SPATA16: variants seen among roughly 807,000 people sequenced by gnomAD.
The protein encoded by SPATA16 is spermatogenesis-associated protein 16.
A neutral mutation model predicts 63.3 loss-of-function variants in SPATA16; 36 were observed. That is an observed-to-expected ratio of 0.57 (90% confidence interval 0.44 to 0.75). The LOEUF is 0.75. Ranked by LOEUF, SPATA16 falls within the 30% of genes least tolerant of loss-of-function variation. The pLI, the probability that SPATA16 is intolerant of heterozygous loss-of-function variation, is 0.00. For missense variants in SPATA16, 646 were observed against 679.3 expected (o/e 0.95, Z 0.54); for synonymous variants, 203 against 216.7 (o/e 0.94, Z 0.56).
At chr3:173,042,877 G>T (rs913282230) in intron 3 of SPATA16, among the ~76,000 whole-genome samples, 1 of 152,114 alleles carries the variant, frequency 6.6e-6, no homozygotes, top group African/African-American at 2.4e-5. Flanking sequence ...TATGGTTAGA[G>T]AACAAGCTCT....
chr3:172,969,733 C>G (rs187182754), intron 5 of SPATA16, among the ~76,000 whole-genome samples: 42 of 152,240 alleles, frequency 2.8e-4, no homozygotes, highest in Non-Finnish European at 5.3e-4. Flanking sequence ...ACGTCATCTC[C>G]ACCCCTTTGT....
chr3:173,069,241 G>A (rs117883906), intron 2 of SPATA16, among the ~76,000 whole-genome samples: 39 of 151,686 alleles, frequency 2.6e-4, no homozygotes, highest in Non-Finnish European at 2.2e-4. Context: ...CAAACTTTTA[G>A]CAAGACTAAG....
intron 5 of SPATA16, among the ~76,000 whole-genome samples, chr3:172,959,574 A>G (rs954464844): frequency 1.3e-5 from 2 of 152,170 alleles, no homozygotes; most frequent in South Asian, 4.1e-4. Flanking sequence ...TGTATTCTCC[A>G]TGGAGATGCT....
intron 4 of SPATA16, among the ~76,000 whole-genome samples, chr3:172,987,017 T>A (rs1474888883): frequency 6.6e-6 from 1 of 152,196 alleles, no homozygotes; most frequent in African/African-American, 2.4e-5. Flanking sequence ...CCTGTGTGAT[T>A]TAGTCTCAGA....
chr3:173,032,050 T>C (rs1735618828), intron 3 of SPATA16, among the ~76,000 whole-genome samples: 1 of 152,090 alleles, frequency 6.6e-6, no homozygotes, highest in Non-Finnish European at 1.5e-5. Flanking sequence ...AAGTAGAACC[T>C]AACTTCAGGG....
chr3:173,004,792 T>C (rs1443482224), intron 4 of SPATA16, among the ~76,000 whole-genome samples: 1 of 152,206 alleles, frequency 6.6e-6, no homozygotes, highest in African/African-American at 2.4e-5. Flanking sequence ...ATAAATTGTC[T>C]CATTTAATCC....
chr3:173,008,800 A>AC (rs1302477959), intron 4 of SPATA16, among the ~76,000 whole-genome samples: 1 of 152,134 alleles, frequency 6.6e-6, no homozygotes, highest in African/African-American at 2.4e-5. Flanking sequence ...CAGAAGAAGA[A>AC]CATGTTAATG....
At chr3:173,002,194 A>T (rs1311198307) in intron 4 of SPATA16, among the ~76,000 whole-genome samples, 1 of 152,140 alleles carries the variant, frequency 6.6e-6, no homozygotes, top group Non-Finnish European at 1.5e-5. Context: ...CATCTAATAG[A>T]CATTTTTAAA....
intron 4 of SPATA16, among the ~76,000 whole-genome samples, chr3:173,000,832 C>T (rs547876640): frequency 1.1e-4 from 17 of 152,094 alleles, no homozygotes; most frequent in African/African-American, 4.1e-4. Flanking sequence ...TCATCAGAGA[C>T]ACTCTTCATT....
In SPATA16 at chr3:172,914,996, G is replaced by A. The variant is rs370489164; in HGVS notation, c.1504-1252C>T. On this transcript the variant is annotated intron_variant, in intron 9 of 10. Coordinates refer to ENST00000351008, the MANE Select transcript of SPATA16 (RefSeq NM_031955.6). The stretch of plus-strand genomic sequence containing the variant: ...AGGAAGACAGGATCAACATTTTGCC[G>A]GCTTCTTAAATTAACATTTTCTTTG... 9.2e-5 allele frequency among the ~76,000 whole-genome samples: 14 copies of A among 152,014 alleles called. 1 individual carries two copies. Among genetic ancestry groups the A allele is most frequent in the East Asian group, 7.7e-4 (4 of 5,184 alleles).
intron 2 of SPATA16, among the ~76,000 whole-genome samples, chr3:173,083,409 GATA>G (rs1368208824): frequency 6.6e-6 from 1 of 152,030 alleles, no homozygotes; most frequent in Admixed American, 6.6e-5. Flanking sequence ...AAAGATGAAT[GATA>G]ATATGAAAAT....
chr3:173,108,661 T>G (rs774301475), intron 2 of SPATA16, among the ~76,000 whole-genome samples: 2 of 152,220 alleles, frequency 1.3e-5, no homozygotes, highest in Non-Finnish European at 2.9e-5. Context: ...ATAACGATGT[T>G]TTGGTCAATG....
At chr3:173,107,759 G>T (rs1432596306) in intron 2 of SPATA16, among the ~76,000 whole-genome samples, 1 of 152,072 alleles carries the variant, frequency 6.6e-6, no homozygotes, top group Admixed American at 6.5e-5. Flanking sequence ...TAGGAAGGCT[G>T]GAATGGGGTC....
intron 2 of SPATA16, among the ~76,000 whole-genome samples, chr3:173,073,365 C>T (rs771445312): frequency 6.6e-6 from 1 of 152,244 alleles, no homozygotes; most frequent in Non-Finnish European, 1.5e-5. Flanking sequence ...CAGAGACCTT[C>T]ATGGCAGCCT....
intron 1 of SPATA16, among the ~76,000 whole-genome samples, chr3:173,130,116 A>T (rs1738332979): frequency 6.6e-6 from 1 of 152,110 alleles, no homozygotes. Flanking sequence ...TAATCCCAGC[A>T]CTTTGGGGGG....
chr3:173,129,799 A>G (rs1039263623), intron 1 of SPATA16, among the ~76,000 whole-genome samples: 1 of 152,116 alleles, frequency 6.6e-6, no homozygotes, highest in African/African-American at 2.4e-5. Flanking sequence ...ACAATTGGGG[A>G]ACACCTATCA....
chr3:173,027,323 T>C (rs1422201376), intron 3 of SPATA16, among the ~76,000 whole-genome samples: 1 of 152,018 alleles, frequency 6.6e-6, no homozygotes, highest in African/African-American at 2.4e-5. Flanking sequence ...CAAAAATACT[T>C]TGGGATTTTC....
At chr3:172,978,521 G>A (rs1428575753) in intron 4 of SPATA16, among the ~76,000 whole-genome samples, 2 of 152,136 alleles carry the variant, frequency 1.3e-5, no homozygotes, top group Non-Finnish European at 2.9e-5. Context: ...TTAAGAAATC[G>A]ATGGAAAATA....
At chr3:173,008,779 A>C (rs1383645563) in intron 4 of SPATA16, among the ~76,000 whole-genome samples, 1 of 152,180 alleles carries the variant, frequency 6.6e-6, no homozygotes, top group Non-Finnish European at 1.5e-5. Context: ...AACAACAGTC[A>C]TAACTACACA....
Sources: gnomAD v4.1 joint callset for allele counts (sites outside exome capture counted in the v4.1 genomes callset) on GRCh38, gnomAD v4.1.1 for gene constraint, MANE v1.5 for transcripts, NCBI Gene and HGNC (gene_info 2026-07-23, HGNC 2026-07-21) for gene names.